The following KLHL18 variants were observed in gnomAD, a reference collection of about 807,000 sequenced individuals.
The protein encoded by KLHL18 is kelch like family member 18, also known as kelch-like protein 18.
A neutral mutation model predicts 58.5 loss-of-function variants in KLHL18; 38 were observed. The ratio of observed to expected loss-of-function variants is 0.65; its 90% CI spans 0.50 to 0.85. The LOEUF (loss-of-function observed/expected upper bound fraction) is 0.85, where lower values mean the gene tolerates loss of function less well. KLHL18 is among the 40% of genes least tolerant of loss of function. KLHL18 has a pLI of 0.00. For synonymous variants in KLHL18, 303 were observed against 301.9 expected (o/e 1.00, Z -0.04); for missense variants, 624 against 778.4 (o/e 0.80, Z 2.36).
At chr3:47,301,214 C>T (rs1703018248) in intron 1 of KLHL18, among the ~76,000 whole-genome samples, 1 of 151,672 alleles carries the variant, frequency 6.6e-6, no homozygotes, top group African/African-American at 2.4e-5. Flanking sequence ...TTTCACAGAG[C>T]AAAAGTTTTT....
At chr3:47,316,484 CATATATACATATATATGTATATATAT>C (rs1215837093) in intron 1 of KLHL18, among the ~76,000 whole-genome samples, 3 of 14,732 alleles carry the variant, frequency 2.0e-4, no homozygotes, top group Admixed American at 1.7e-3. Flanking sequence ...TATATATATA[CATATATACATATATATGTATATATAT>C]ACATATATAC....
chr3:47,317,298 G>C (rs1250079496), intron 1 of KLHL18, among the ~76,000 whole-genome samples: 1 of 152,076 alleles, frequency 6.6e-6, no homozygotes, highest in Non-Finnish European at 1.5e-5. Flanking sequence ...ATTTTTAGTA[G>C]AGACGGGGTT....
At chr3:47,342,283 A>G (rs1412232936) in intron 8 of KLHL18, among the ~76,000 whole-genome samples, 1 of 152,154 alleles carries the variant, frequency 6.6e-6, no homozygotes, top group African/African-American at 2.4e-5. Context: ...GGTCAGGGGT[A>G]GGGCACTGGT....
chr3:47,324,453 T>C (rs542450900), intron 3 of KLHL18, among the ~76,000 whole-genome samples: 2 of 151,858 alleles, frequency 1.3e-5, no homozygotes, highest in South Asian at 4.2e-4. Context: ...GGACAACAGC[T>C]CCACCTAGGG....
At chr3:47,333,995 T>C (rs1289657502) in intron 5 of KLHL18, among the ~76,000 whole-genome samples, 2 of 152,244 alleles carry the variant, frequency 1.3e-5, no homozygotes, top group Non-Finnish European at 2.9e-5. Flanking sequence ...ATAAAAACTT[T>C]ACACACATTC....
intron 2 of KLHL18, among the ~76,000 whole-genome samples, chr3:47,321,511 G>A (rs1034703199): frequency 7.9e-5 from 12 of 151,926 alleles, no homozygotes; most frequent in East Asian, 3.9e-4. Flanking sequence ...CACCACGCCC[G>A]GCTAATTTTT....
chr3:47,326,277 CAG>C (rs1703719356), intron 3 of KLHL18, among the ~76,000 whole-genome samples: 1 of 152,136 alleles, frequency 6.6e-6, no homozygotes, highest in Admixed American at 6.5e-5. Context: ...GAAATTCTCT[CAG>C]AGGTAGATTG....
intron 1 of KLHL18, among the ~76,000 whole-genome samples, chr3:47,310,629 G>A (rs1316011450): frequency 6.6e-6 from 1 of 152,178 alleles, no homozygotes; most frequent in Non-Finnish European, 1.5e-5. Flanking sequence ...GTGTCAGCTT[G>A]TCCAAAACTT....
chr3:47,292,026 A>C (rs1702800980), intron 1 of KLHL18, among the ~76,000 whole-genome samples: 1 of 152,252 alleles, frequency 6.6e-6, no homozygotes, highest in Admixed American at 6.5e-5. Context: ...GGCAGGCCAG[A>C]GACCCTGATG....
chr3:47,346,757 A>G lies in KLHL18; in HGVS notation c.*2816A>G, dbSNP rs567855860. Reference sequence around the variant, plus strand: ...CAGAAAATCTTAGTTCCTTTTATTTATAGAATGCATGTCTTTTGTGTTAAG... The same window carrying G: ...CAGAAAATCTTAGTTCCTTTTATTTGTAGAATGCATGTCTTTTGTGTTAAG... On this transcript the variant is annotated 3_prime_UTR_variant, in exon 10 of 10. Coordinates refer to ENST00000232766, the MANE Select transcript of KLHL18 (RefSeq NM_025010.5). The G allele has an allele frequency of 6.5e-6, 1 of 152,776 alleles. No individual in the cohort carries two copies. Among genetic ancestry groups the G allele is most frequent in the African/African-American group, 2.4e-5 (1 of 41,572 alleles). 9.5% of individuals were successfully genotyped at this position (152,776 alleles called of 1,614,324 possible). A position where few individuals can be genotyped will look rare whatever the true frequency, so the allele number is the denominator to read the frequency against.
At chr3:47,321,827 C>G (rs776481038) in intron 2 of KLHL18, among the ~76,000 whole-genome samples, 9 of 152,146 alleles carry the variant, frequency 5.9e-5, no homozygotes, top group Non-Finnish European at 1.0e-4. Context: ...TGAGCTGAGA[C>G]ATCTTAATTG....
intron 1 of KLHL18, chr3:47,297,707 A>G (rs1020390162): frequency 2.2e-6 from 1 of 448,040 alleles, no homozygotes; most frequent in Non-Finnish European, 4.5e-6. Context: ...ACTTGTTTGT[A>G]TCTCAGATGA....
intron 8 of KLHL18, among the ~76,000 whole-genome samples, chr3:47,341,942 C>T (rs905014704): frequency 2.0e-5 from 3 of 150,010 alleles, no homozygotes; most frequent in African/African-American, 7.4e-5. Context: ...AAACATTAGC[C>T]AGGCATGGTG....
At chr3:47,323,469 A>C (rs1430481785) in intron 3 of KLHL18, among the ~76,000 whole-genome samples, 1 of 152,130 alleles carries the variant, frequency 6.6e-6, no homozygotes, top group South Asian at 2.1e-4. Context: ...TCCTTAGTCC[A>C]TTGGGAACTA....
intron 1 of KLHL18, among the ~76,000 whole-genome samples, chr3:47,318,572 G>A (rs1703510038): frequency 6.6e-6 from 1 of 152,138 alleles, no homozygotes; most frequent in Admixed American, 6.5e-5. Context: ...GCTATTTAGA[G>A]GTTGGGTACC....
In KLHL18 at chr3:47,334,670, C is replaced by T. The variant is rs765581560; in HGVS notation, c.762-13C>T. 2 of 1,613,952 alleles carry T rather than the reference C, an allele frequency of 1.2e-6. No homozygotes were observed. The highest frequency in any genetic ancestry group is 4.5e-5 in the East Asian group (2 of 44,874). ...GGATACCTCCTGTTCTAGCATCTTC[C>T]ACCTTATTCTAGGGACCTGGTAGAC... is the stretch of plus-strand genomic sequence containing the variant. On this transcript the variant is annotated splice_polypyrimidine_tract_variant and intron_variant, in intron 5 of 9. Transcript: ENST00000232766. This position sits in a 1 kb window ranked among gnomAD's most constrained non-coding sequence, Gnocchi z 4.7.
At chr3:47,327,166 G>A (rs929215017) in intron 3 of KLHL18, among the ~76,000 whole-genome samples, 10 of 152,292 alleles carry the variant, frequency 6.6e-5, no homozygotes, top group South Asian at 2.1e-4. Context: ...TTGAACCCAG[G>A]AGGCAGAGGT....
At chr3:47,289,794 AAG>A (rs1455490734) in intron 1 of KLHL18, among the ~76,000 whole-genome samples, 2 of 152,232 alleles carry the variant, frequency 1.3e-5, no homozygotes, top group African/African-American at 4.8e-5. Flanking sequence ...AAAAAGAAAA[AAG>A]AGAATTGTAG....
intron 1 of KLHL18, among the ~76,000 whole-genome samples, chr3:47,319,435 T>G (rs796100449): frequency 6.6e-6 from 1 of 152,224 alleles, no homozygotes; most frequent in South Asian, 2.1e-4. Flanking sequence ...ATGTATTGTT[T>G]ACATTCTTCT....
Sources: gnomAD v4.1 joint callset for allele counts (sites outside exome capture counted in the v4.1 genomes callset) on GRCh38, gnomAD v4.1.1 for gene constraint, Gnocchi (gnomAD v3.1) non-coding constraint, MANE v1.5 for transcripts, NCBI Gene and HGNC (gene_info 2026-07-23, HGNC 2026-07-21) for gene names.